ZC3H13: variants seen among roughly 807,000 people sequenced by gnomAD.
ZC3H13 encodes zinc finger CCCH-type containing 13.
In ZC3H13, 64 loss-of-function variants were observed where a neutral mutation model predicts 204.1. The ratio of observed to expected loss-of-function variants is 0.31; its 90% CI spans 0.26 to 0.39. The LOEUF is 0.39. Among genes scored for constraint, ZC3H13 ranks in the 10% least tolerant of loss-of-function variants. The probability of loss-of-function intolerance (pLI) is 1.00; values close to 1 mark genes in which losing one functional copy is unlikely to be tolerated. For missense variants in ZC3H13, 1,833 were observed against 2,082.7 expected (o/e 0.88, Z 2.33); for synonymous variants, 667 against 693.7 (o/e 0.96, Z 0.60).
At chr13:46,010,244 TA>T in intron 7 of ZC3H13, 103 bp downstream of exon 7, 1 of 1,168,986 alleles carries the variant, frequency 8.6e-7, no homozygotes, top group African/African-American at 1.5e-5. Flanking sequence ...AAGCTTACAT[TA>T]AATATAAAAT....
rs77983851 is a variant in ZC3H13 at position 45,979,645 on chromosome 13, A to G, written c.1912+168T>C. ...ACTAGCTATTGACATAATCCCTCCT[A>G]AACCATGTGAACAAAGATTATATGA... On this transcript the variant is annotated intron_variant, in intron 11 of 18. Transcript: ENST00000679008. 5.1e-4 allele frequency among the ~76,000 whole-genome samples: 78 copies of G among 152,220 alleles called. 1 individual carries two copies. The East Asian group carries it at 0.015, about 29-fold the overall frequency.
Position 45,968,076 on chromosome 13 carries a change from T to C in ZC3H13, c.3797-48A>G, listed in dbSNP as rs774793145. On this transcript the variant is annotated intron_variant, in intron 14 of 18. Transcript: ENST00000679008. ...AAAGAGTTATTAGCACATGATAAAA[T>C]AGAAACAAAATGCTTCATTTCAAGG... 8.0e-6 allele frequency: 12 copies of C among 1,498,696 alleles called. No individual in the cohort carries two copies. The Admixed American group carries it at 1.2e-4, about 15-fold the overall frequency. 92.8% of individuals were successfully genotyped at this position (1,498,696 alleles called of 1,614,324 possible). A position where few individuals can be genotyped will look rare whatever the true frequency, so the allele number is the denominator to read the frequency against.
At chr13:46,033,866 A>C (rs953116659) in intron 4 of ZC3H13, among the ~76,000 whole-genome samples, 2 of 151,964 alleles carry the variant, frequency 1.3e-5, no homozygotes, top group African/African-American at 4.8e-5. Context: ...AGACACCACA[A>C]AAAAAAATAA....
chr13:46,044,426 AAGGCAAAACGATGTTCGAAATATGG>A (rs1478430478), intron 3 of ZC3H13, among the ~76,000 whole-genome samples: 2 of 152,214 alleles, frequency 1.3e-5, no homozygotes, highest in African/African-American at 4.8e-5. Context: ...GCCTTTATTA[AAGGCAAAACGATGTTCGAAATATGG>A]AGCATATTCA....
intron 6 of ZC3H13, 90 bp from the exon 7 acceptor site, chr13:46,010,595 G>A: frequency 1.5e-6 from 2 of 1,370,108 alleles, no homozygotes; most frequent in East Asian, 2.3e-5. Context: ...CCAAACTTCA[G>A]ATTAAAATTA....
intron 4 of ZC3H13, among the ~76,000 whole-genome samples, chr13:46,036,843 C>A (rs776869850): frequency 6.6e-6 from 1 of 151,994 alleles, no homozygotes; most frequent in African/African-American, 2.4e-5. Flanking sequence ...CTCAGCCTCC[C>A]GAGTAGCTGG....
Position 45,968,939 on chromosome 13 carries a change from G to A in ZC3H13, c.3605C>T (p.Thr1202Met), listed in dbSNP as rs1424323272. Residue 1202 changes from threonine (T) to methionine (M), a missense_variant, in exon 14 of 19, where the codon ACG becomes ATG. Thr to Met is a moderately conservative substitution (Grantham distance 81, BLOSUM62 -1). Around this residue, in one of 5 missense-constraint regions of ZC3H13, gnomAD observed 1,574 missense variants for 1,757.2 expected, o/e 0.90. Transcript: ENST00000679008. ...LGSNRSNRSHTSGRLRSPSND... is the reference protein window; with the variant it reads ...LGSNRSNRSHMSGRLRSPSND... ...GGATGGGGAGCGAAGACGACCAGAC[G>A]TATGACTACGGTTACTCCGATTGCT... 8 of 1,614,068 alleles carry A rather than the reference G, an allele frequency of 5.0e-6. No individual in the cohort carries two copies. The highest frequency in any genetic ancestry group is 2.2e-5 in the South Asian group (2 of 91,086).
chr13:46,041,469 A>T (rs1392463896), intron 4 of ZC3H13, among the ~76,000 whole-genome samples: 1 of 152,114 alleles, frequency 6.6e-6, no homozygotes, highest in Non-Finnish European at 1.5e-5. Context: ...GTAGCAATGA[A>T]AATATTCTAA....
At chr13:46,022,120 A>C (rs987939447) in intron 4 of ZC3H13, among the ~76,000 whole-genome samples, 6 of 151,890 alleles carry the variant, frequency 4.0e-5, no homozygotes, top group Non-Finnish European at 5.9e-5. Flanking sequence ...AATAAATGTC[A>C]TTAATAATGA....
rs568590911 is a variant in ZC3H13, at chr13:45,989,113, A to G, written c.945-16T>C. The G allele has an allele frequency of 1.5e-5, 24 of 1,607,640 alleles. 1 individual carries two copies. In the East Asian group the frequency reaches 3.4e-4, roughly 22 times the overall value. On this transcript the variant is annotated splice_polypyrimidine_tract_variant and intron_variant, in intron 8 of 18. Coordinates refer to ENST00000679008, the MANE Select transcript of ZC3H13 (RefSeq NM_001330564.2). ...GGAAGTAGACCTACAAGGGAAAACA[A>G]TAACAATAAAACATGTATTCAAGAG...
intron 5 of ZC3H13, among the ~76,000 whole-genome samples, chr13:46,013,197 T>C (rs2041685589): frequency 6.6e-6 from 1 of 152,000 alleles, no homozygotes; most frequent in Non-Finnish European, 1.5e-5. Flanking sequence ...GGGCGGATCA[T>C]CAGGTCAAGA....
At chr13:45,978,960 G>A (rs1953311467) in intron 11 of ZC3H13, among the ~76,000 whole-genome samples, 2 of 151,962 alleles carry the variant, frequency 1.3e-5, no homozygotes, top group African/African-American at 4.8e-5. Context: ...TGATGCCTTA[G>A]AAACTTTATT....
Position 45,967,757 on chromosome 13 carries a change from A to C in ZC3H13, c.4068T>G (p.Asp1356Glu). 6.2e-7 allele frequency: 1 copy of C among 1,612,326 alleles called. No homozygotes were observed. The highest frequency in any genetic ancestry group is 8.5e-7 in the Non-Finnish European group (1 of 1,179,190). The change falls in exon 15 of 19, where the codon GAT becomes GAG. Residue 1356 changes from aspartate to glutamate, a missense_variant. Coordinates refer to ENST00000679008, the MANE Select transcript of ZC3H13 (RefSeq NM_001330564.2). ...CAGAAATTAGTCTCTCTCTTTCCCT[A>C]TCCAAGTCTCTCCTTTTGTCTCGTT... The part of the protein sequence containing the change: ...ERERDKRRDL[D>E]RERERLISDS...
Position 45,967,633 on chromosome 13 carries a change from G to A in ZC3H13, c.4192C>T (p.His1398Tyr). Residue 1398 changes from histidine (H) to tyrosine (Y), a missense_variant, in exon 15 of 19, where the codon CAT (histidine) becomes TAT (tyrosine). Transcript: ENST00000679008. ...KRCEAKLEGE[H>Y]ERDLESTSRD... ...GAAGTGCTTTCTAGATCCCTTTCAT[G>A]TTCACCTTCCAGTTTTGCTTCACAG... 1 of 1,613,998 alleles carries A rather than the reference G, an allele frequency of 6.2e-7. No individual in the cohort carries two copies. Among genetic ancestry groups the A allele is most frequent in the Non-Finnish European group, 8.5e-7 (1 of 1,179,978 alleles).
Position 45,969,141 on chromosome 13 carries a change from T to C in ZC3H13, c.3403A>G (p.Ile1135Val), listed in dbSNP as rs374359899. Residue 1135 changes from isoleucine to valine, a missense_variant, in exon 14 of 19, where the codon ATC (isoleucine) becomes GTC (valine). By Grantham distance (29) the Ile-to-Val change is conservative. Around this residue, in one of 5 missense-constraint regions of ZC3H13, gnomAD observed 1,574 missense variants for 1,757.2 expected, o/e 0.90. Transcript: ENST00000679008. ...GGGGTGGCAGAGGTGGAAATAGTGA[T>C]GGCAGATGTGCTGAAAGAGGTGGCG... Reference protein sequence around the residue: ...AAATSFSTSAITISTSATPTN... With the variant: ...AAATSFSTSAVTISTSATPTN... 5.0e-6 allele frequency: 8 copies of C among 1,614,128 alleles called. No individual in the cohort carries two copies. In the African/African-American group the frequency reaches 6.7e-5, roughly 13 times the overall value.
At chr13:46,006,582 G>A (rs780499387) in intron 7 of ZC3H13, among the ~76,000 whole-genome samples, 2 of 149,958 alleles carry the variant, frequency 1.3e-5, no homozygotes, top group Non-Finnish European at 3.0e-5. Context: ...TCATACATCT[G>A]GTGAGTTTTC....
chr13:46,022,241 A>G (rs942711569), intron 4 of ZC3H13, among the ~76,000 whole-genome samples: 2 of 151,888 alleles, frequency 1.3e-5, no homozygotes, highest in African/African-American at 4.8e-5. Flanking sequence ...TATAACTTCT[A>G]TTATTAGGTA....
At chr13:46,051,761 T>C (rs1161287804) in intron 1 of ZC3H13, among the ~76,000 whole-genome samples, 1 of 152,138 alleles carries the variant, frequency 6.6e-6, no homozygotes, top group Non-Finnish European at 1.5e-5. Flanking sequence ...ACCTTAAGAC[T>C]ACCCTTCACA....
rs867136988 is a variant in ZC3H13, at chr13:45,958,654, T to C, written c.4839+829A>G. ...ACCCCAAATAAAAATCCCAGTTTTT[T>C]TTTTTTTTTTTTTTTTTTTGAGATG... is the stretch of plus-strand genomic sequence containing the variant. On this transcript the variant is annotated intron_variant, in intron 18 of 18. Coordinates refer to ENST00000679008, the MANE Select transcript of ZC3H13 (RefSeq NM_001330564.2). 7.3e-3 allele frequency among the ~76,000 whole-genome samples: 1,047 copies of C among 143,546 alleles called. 23 individuals are homozygous for C. Among genetic ancestry groups the C allele is most frequent in the Non-Finnish European group, 0.011 (729 of 65,114 alleles). The allele number at this position is 143,546 out of a possible 152,430, so 94.2% of individuals were successfully genotyped here.
Sources: gnomAD v4.1 joint callset for allele counts (sites outside exome capture counted in the v4.1 genomes callset) on GRCh38, gnomAD v4.1.1 for gene constraint, gnomAD v4.1.1 regional missense constraint, MANE v1.5 for transcripts, NCBI Gene and HGNC (gene_info 2026-07-23, HGNC 2026-07-21) for gene names.